The following MYO1H variants were observed in gnomAD, a reference collection of about 807,000 sequenced individuals.
MYO1H encodes myosin IH, also known as unconventional myosin-Ih.
In MYO1H, 118 loss-of-function variants were observed where a neutral mutation model predicts 149.3. The observed-to-expected ratio is 0.79, with a 90% confidence interval of 0.68 to 0.92. The LOEUF (loss-of-function observed/expected upper bound fraction) is 0.92. Ranked by LOEUF, MYO1H falls within the 40% of genes least tolerant of loss-of-function variation. The pLI, the probability that MYO1H is intolerant of heterozygous loss-of-function variation, is 0.00. For missense variants in MYO1H, 1,212 were observed against 1,280.7 expected (o/e 0.95, Z 0.82); for synonymous variants, 447 against 465.2 (o/e 0.96, Z 0.50).
intron 1 of MYO1H, among the ~76,000 whole-genome samples, chr12:109,357,457 G>C (rs1868634077): frequency 6.6e-6 from 1 of 152,192 alleles, no homozygotes; most frequent in South Asian, 2.1e-4. Context: ...TGCTAAACGG[G>C]ACATTGAACA....
chr12:109,433,779 T>G (rs918435784), intron 20 of MYO1H, among the ~76,000 whole-genome samples: 2 of 152,156 alleles, frequency 1.3e-5, no homozygotes, highest in African/African-American at 4.8e-5. Flanking sequence ...TCCAAGGGGA[T>G]TCTGCAAGGC....
chr12:109,411,832 T>C, intron 13 of MYO1H, 62 bp from the exon 14 acceptor site: 2 of 1,235,600 alleles, frequency 1.6e-6, no homozygotes, highest in South Asian at 1.3e-5. Context: ...GGTGAAAGCA[T>C]TTAAACTTGG....
chr12:109,318,972 G>GTTTTTGTTTTTTTTTTT, the MYO1H span, among the ~76,000 whole-genome samples: 1 of 77,252 alleles, frequency 1.3e-5, no homozygotes, highest in African/African-American at 4.7e-5. Flanking sequence ...TTTTGGTTTT[G>GTTTTTGTTTTTTTTTTT]TTTTTTTTTT....
chr12:109,321,566 C>T, the MYO1H span, among the ~76,000 whole-genome samples: 1 of 151,984 alleles, frequency 6.6e-6, no homozygotes, highest in Non-Finnish European at 1.5e-5. Flanking sequence ...AAAAAGGAAA[C>T]ACTGCAAATC....
chr12:109,411,265 G>T (rs1282759741), intron 13 of MYO1H, among the ~76,000 whole-genome samples: 2 of 152,134 alleles, frequency 1.3e-5, no homozygotes, highest in East Asian at 3.8e-4. Flanking sequence ...CACCACACCT[G>T]GCTAAATTTT....
intron 14 of MYO1H, among the ~76,000 whole-genome samples, chr12:109,414,918 C>A (rs1404828192): frequency 6.6e-6 from 1 of 151,986 alleles, no homozygotes; most frequent in African/African-American, 2.4e-5. Flanking sequence ...TGCTGTGTTG[C>A]CCAGACTAAT....
intron 1 of MYO1H, among the ~76,000 whole-genome samples, chr12:109,386,440 C>T (rs561918379): frequency 6.6e-5 from 10 of 152,302 alleles, no homozygotes; most frequent in African/African-American, 2.4e-4. Flanking sequence ...AGATCTTTTT[C>T]CCAAAGTGAT....
intron 25 of MYO1H, 83 bp downstream of exon 25, chr12:109,440,910 T>C (rs1592821298): frequency 2.0e-6 from 2 of 1,015,514 alleles, no homozygotes; most frequent in East Asian, 2.6e-5. Context: ...TCATCCACCA[T>C]TTCACCTATA....
At chr12:109,405,791 C>A in intron 7 of MYO1H, 131 bp from the exon 8 acceptor site, 2 of 680,236 alleles carry the variant, frequency 2.9e-6, no homozygotes, top group Non-Finnish European at 5.2e-6. Context: ...GTTCTGTGGG[C>A]TCAGGTGTGG....
the MYO1H span, among the ~76,000 whole-genome samples, chr12:109,312,289 T>C: frequency 6.6e-6 from 1 of 152,140 alleles, no homozygotes; most frequent in Non-Finnish European, 1.5e-5. Flanking sequence ...CTCGGCTGAC[T>C]GCAAGCACCA....
intron 1 of MYO1H, among the ~76,000 whole-genome samples, chr12:109,365,508 C>G (rs1868848740): frequency 6.6e-6 from 1 of 152,174 alleles, no homozygotes; most frequent in African/African-American, 2.4e-5. Flanking sequence ...CCCTCGGACA[C>G]TTGGAGCCTC....
intron 21 of MYO1H, among the ~76,000 whole-genome samples, chr12:109,435,631 C>T (rs903648516): frequency 2.0e-5 from 3 of 152,180 alleles, no homozygotes; most frequent in East Asian, 1.9e-4. Flanking sequence ...GCCTGCTGTG[C>T]GCCAGGTGAA....
chr12:109,384,529 G>A (rs1869265092), intron 1 of MYO1H, among the ~76,000 whole-genome samples: 1 of 151,908 alleles, frequency 6.6e-6, no homozygotes, highest in Non-Finnish European at 1.5e-5. Context: ...CCCTTTGATG[G>A]TCCATGTCAC....
At chr12:109,390,629 G>T (rs1869604325) in intron 2 of MYO1H, among the ~76,000 whole-genome samples, 1 of 151,392 alleles carries the variant, frequency 6.6e-6, no homozygotes. Context: ...ATTTTAGGAG[G>T]TTTGTAGGTA....
intron 1 of MYO1H, among the ~76,000 whole-genome samples, chr12:109,369,428 A>G (rs1050808046): frequency 6.6e-6 from 1 of 152,158 alleles, no homozygotes; most frequent in Non-Finnish European, 1.5e-5. Flanking sequence ...TTCAGGAAGG[A>G]TGCACAAGGA....
intron 1 of MYO1H, among the ~76,000 whole-genome samples, chr12:109,387,687 T>C (rs1869412718): frequency 6.6e-6 from 1 of 152,206 alleles, no homozygotes; most frequent in African/African-American, 2.4e-5. Context: ...ACTAACCGTG[T>C]GCCCAGAGCA....
the MYO1H span, among the ~76,000 whole-genome samples, chr12:109,335,245 A>G: frequency 1.8e-4 from 27 of 152,176 alleles, no homozygotes; most frequent in Admixed American, 8.5e-4. Context: ...GGGAGGCCTC[A>G]GGGAACTTAC....
At chr12:109,370,979 C>G (rs1057272055) in intron 1 of MYO1H, among the ~76,000 whole-genome samples, 2 of 152,218 alleles carry the variant, frequency 1.3e-5, no homozygotes, top group East Asian at 3.9e-4. Flanking sequence ...GTACAAAATG[C>G]TATAAAGAAA....
chr12:109,376,581 C>T (rs764755141), intron 1 of MYO1H, among the ~76,000 whole-genome samples: 5 of 152,210 alleles, frequency 3.3e-5, no homozygotes, highest in Non-Finnish European at 5.9e-5. Context: ...TGTTCTGCTA[C>T]CTTTGTCAAC....
Sources: gnomAD v4.1 joint callset for allele counts (sites outside exome capture counted in the v4.1 genomes callset) on GRCh38, gnomAD v4.1.1 for gene constraint, MANE v1.5 for transcripts, NCBI Gene and HGNC (gene_info 2026-07-23, HGNC 2026-07-21) for gene names.